Variants in PPM1A observed in about 807,000 individuals in gnomAD.
The protein encoded by PPM1A is protein phosphatase, Mg2+/Mn2+ dependent 1A, also known as protein phosphatase 1A.
PPM1A carries 7 observed loss-of-function variants against 35.0 expected under a neutral mutation model. The ratio of observed to expected loss-of-function variants is 0.20; its 90% CI spans 0.11 to 0.38. The LOEUF (loss-of-function observed/expected upper bound fraction) is 0.38. Among genes scored for constraint, PPM1A ranks in the 10% least tolerant of loss-of-function variants. The pLI, the probability that PPM1A is intolerant of heterozygous loss-of-function variation, is 1.00. For missense variants in PPM1A, 239 were observed against 467.8 expected, an observed-to-expected ratio of 0.51 and a Z score of 4.51; for synonymous variants, 153 against 167.3, an observed-to-expected ratio of 0.91 and a Z score of 0.66.
intron 1 of PPM1A, among the ~76,000 whole-genome samples, chr14:60,254,147 T>C (rs979884613): frequency 6.6e-6 from 1 of 152,196 alleles, no homozygotes; most frequent in African/African-American, 2.4e-5. Context: ...TTGCTTAGTA[T>C]GAGAGGGTTG....
chr14:60,262,344 A>T (rs1883836850), intron 1 of PPM1A, among the ~76,000 whole-genome samples: 1 of 152,196 alleles, frequency 6.6e-6, no homozygotes, highest in African/African-American at 2.4e-5. Flanking sequence ...AGTCTGTGAA[A>T]ATATTTTTAG....
At position 60,295,895 on chromosome 14, in the gene PPM1A, CTAAAGT is replaced by C. The variant is rs1432989304; in HGVS notation, c.*3419_*3424del. 1 of 151,630 alleles carries C rather than the reference CTAAAGT, an allele frequency of 6.6e-6. No individual in the cohort carries two copies. The highest frequency in any genetic ancestry group is 2.4e-5 in the African/African-American group (1 of 41,368). 9.4% of individuals were successfully genotyped at this position (151,630 alleles called of 1,614,324 possible). A position where few individuals can be genotyped will look rare whatever the true frequency, so the allele number is the denominator to read the frequency against. On this transcript the variant is annotated 3_prime_UTR_variant, in exon 6 of 6. Coordinates refer to ENST00000395076, the MANE Select transcript of PPM1A (RefSeq NM_021003.5). ...TGTTCTCCAGTTTATTTTCTTCTCT[CTAAAGT>C]TAAAGAGTAATTCAGAAGAAAATTT...
chr14:60,265,669 A>T (rs2139409405), intron 1 of PPM1A, among the ~76,000 whole-genome samples: 1 of 152,314 alleles, frequency 6.6e-6, no homozygotes, highest in East Asian at 1.9e-4. Context: ...ATAGAAGTTT[A>T]TATAGCTCTT....
At chr14:60,290,248 G>C (rs560682809) in intron 4 of PPM1A, among the ~76,000 whole-genome samples, 8 of 152,056 alleles carry the variant, frequency 5.3e-5, no homozygotes, top group African/African-American at 1.9e-4. Context: ...TCTAAGTGTC[G>C]TTGTTAGTAG....
chr14:60,269,911 G>A (rs977566546), intron 1 of PPM1A, among the ~76,000 whole-genome samples: 10 of 152,020 alleles, frequency 6.6e-5, no homozygotes, highest in Non-Finnish European at 7.4e-5. Context: ...ATTATGCTTC[G>A]GTATTGGTCA....
intron 1 of PPM1A, among the ~76,000 whole-genome samples, chr14:60,270,202 C>T (rs1884918480): frequency 6.6e-6 from 1 of 152,136 alleles, no homozygotes; most frequent in Non-Finnish European, 1.5e-5. Context: ...CTTCATTCCT[C>T]ATTATTGCTT....
At chr14:60,256,374 A>T (rs1883137910) in intron 1 of PPM1A, among the ~76,000 whole-genome samples, 1 of 152,242 alleles carries the variant, frequency 6.6e-6, no homozygotes. Context: ...CACAGGTTGC[A>T]GTGAGCCAAG....
Position 60,249,784 on chromosome 14 carries a change from G to T in PPM1A, c.-21+107G>T. 1.4e-6 allele frequency: 1 copy of T among 711,092 alleles called. No homozygotes were observed. Among genetic ancestry groups the T allele is most frequent in the South Asian group, 6.0e-5 (1 of 16,656 alleles). 44.0% of individuals were successfully genotyped at this position (711,092 alleles called of 1,614,324 possible). On this transcript the variant is annotated intron_variant, in intron 1 of 5. Transcript: ENST00000395076. The surrounding 1 kb of genome is among the most constrained non-coding windows in gnomAD (Gnocchi z 4.5). ...TGTAAACAAGCCGGGCGTCTGCCCG[G>T]GCGCTCCCGGGAGGAGACGCGACAA...
At chr14:60,280,318 T>A (rs1279584131) in intron 1 of PPM1A, among the ~76,000 whole-genome samples, 1 of 152,206 alleles carries the variant, frequency 6.6e-6, no homozygotes, top group African/African-American at 2.4e-5. Flanking sequence ...TCTTATATGC[T>A]TATACAGGAA....
chr14:60,284,418 G>A (rs561941780), intron 2 of PPM1A, among the ~76,000 whole-genome samples: 2 of 152,108 alleles, frequency 1.3e-5, no homozygotes, highest in Non-Finnish European at 2.9e-5. Flanking sequence ...GAGGTGGGCG[G>A]ATCACGAGGT....
chr14:60,256,449 A>G (rs1883148656), intron 1 of PPM1A, among the ~76,000 whole-genome samples: 1 of 152,242 alleles, frequency 6.6e-6, no homozygotes, highest in Non-Finnish European at 1.5e-5. Context: ...AGAAGAAGAA[A>G]AAAGAAAATA....
At chr14:60,262,486 C>A (rs1181433277) in intron 1 of PPM1A, among the ~76,000 whole-genome samples, 1 of 152,080 alleles carries the variant, frequency 6.6e-6, no homozygotes, top group African/African-American at 2.4e-5. Context: ...GAGTTTGAGA[C>A]CAGCCAGGGC....
At chr14:60,254,273 A>T (rs1882783364) in intron 1 of PPM1A, among the ~76,000 whole-genome samples, 2 of 97,184 alleles carry the variant, frequency 2.1e-5, no homozygotes, top group African/African-American at 1.8e-4. Flanking sequence ...ATAGACTAAA[A>T]GTTATAGAAG....
chr14:60,283,604 A>G lies in PPM1A; in HGVS notation c.834+67A>G. 1 of 1,468,576 alleles carries G rather than the reference A, an allele frequency of 6.8e-7. No individual in the cohort carries two copies. The highest frequency in any genetic ancestry group is 9.1e-7 in the Non-Finnish European group (1 of 1,098,050). The allele number at this position is 1,468,576 out of a possible 1,614,324, so 91.0% of individuals were successfully genotyped here. ...ATATTAATCACTACTCTAGTATTTA[A>G]TCATCTTAGAATCTGTAATTCTGAA... On this transcript the variant is annotated intron_variant, in intron 2 of 5. Transcript: ENST00000395076. This position sits in a 1 kb window ranked among gnomAD's most constrained non-coding sequence, Gnocchi z 6.3.
Position 60,291,419 on chromosome 14 carries a change from T to TACAATAGACTGAATCCTTACAAA in PPM1A, c.1086_1108dup (p.Asn370ThrfsTer4). On this transcript the variant is annotated frameshift_variant, in exon 5 of 6. Transcript: ENST00000395076. LOFTEE classifies it high-confidence loss of function. Reference sequence around the variant, plus strand: ...TAGGAGGAATGTTATTGAAGCCGTTTACAATAGACTGAATCCTTACAAAAA... The same window carrying TACAATAGACTGAATCCTTACAAA: ...TAGGAGGAATGTTATTGAAGCCGTTTACAATAGACTGAATCCTTACAAAACAATAGACTGAATCCTTACAAAAA... 6.3e-7 allele frequency: 1 copy of TACAATAGACTGAATCCTTACAAA among 1,577,990 alleles called. No homozygotes were observed. Among genetic ancestry groups the TACAATAGACTGAATCCTTACAAA allele is most frequent in the South Asian group, 1.2e-5 (1 of 85,774 alleles).
intron 1 of PPM1A, among the ~76,000 whole-genome samples, chr14:60,252,639 A>G (rs1882576385): frequency 6.6e-6 from 1 of 152,196 alleles, no homozygotes. Flanking sequence ...TTTAAAATTA[A>G]GTTGTGTTTG....
intron 1 of PPM1A, among the ~76,000 whole-genome samples, chr14:60,279,539 A>G (rs1886149325): frequency 6.6e-6 from 1 of 152,182 alleles, no homozygotes; most frequent in Admixed American, 6.5e-5. Flanking sequence ...TTTGAGATCT[A>G]TAATTAGAAG....
intron 1 of PPM1A, among the ~76,000 whole-genome samples, chr14:60,259,515 G>A (rs939293290): frequency 6.6e-6 from 1 of 151,872 alleles, no homozygotes; most frequent in South Asian, 2.1e-4. Flanking sequence ...TCAAATATGC[G>A]GCGATTTATA....
intron 1 of PPM1A, among the ~76,000 whole-genome samples, chr14:60,259,796 G>C (rs1337283228): frequency 2.0e-5 from 3 of 151,968 alleles, no homozygotes; most frequent in African/African-American, 4.8e-5. Context: ...AATTTTTATA[G>C]TCACTAGAGC....
Sources: allele counts gnomAD v4.1 joint callset (sites outside exome capture counted in the v4.1 genomes callset), GRCh38; gene constraint gnomAD v4.1.1; non-coding constraint Gnocchi (gnomAD v3.1); transcripts MANE v1.5; gene names NCBI Gene and HGNC (gene_info 2026-07-23, HGNC 2026-07-21).